Variants in MAPDA observed in about 807,000 individuals in gnomAD.
The protein encoded by MAPDA is N6-Methyl-AMP deaminase, also known as N6,N6-dimethyl-AMP deaminase.
At chr15:43,336,561 A>G in the MAPDA span, 1 of 1,293,298 alleles carries the variant, frequency 7.7e-7, no homozygotes, top group Non-Finnish European at 1.1e-6. Flanking sequence ...CTAAAATTTA[A>G]TTCATTCAGT....
chr15:43,330,589 A>C, the MAPDA span: 3 of 1,348,786 alleles, frequency 2.2e-6, no homozygotes, highest in Non-Finnish European at 2.9e-6. Flanking sequence ...AAAACCACCC[A>C]TGCTCCTGGA....
At chr15:43,331,813 C>T in the MAPDA span, 1 of 152,138 alleles carries the variant, frequency 6.6e-6, no homozygotes, top group African/African-American at 2.4e-5. Context: ...ATTATACTTT[C>T]GAGGAGCTTA....
the MAPDA span, chr15:43,342,966 A>T: frequency 6.8e-7 from 1 of 1,469,936 alleles, no homozygotes; most frequent in African/African-American, 1.4e-5. Flanking sequence ...TGATCTCTTT[A>T]CATGTATTTT....
At chr15:43,349,386 T>C in the MAPDA span, 1 of 899,666 alleles carries the variant, frequency 1.1e-6, no homozygotes, top group Non-Finnish European at 1.4e-6. Context: ...GTAACATTAT[T>C]TAAAAATTAA....
the MAPDA span, among the ~76,000 whole-genome samples, chr15:43,342,282 C>G: frequency 2.6e-5 from 4 of 151,940 alleles, no homozygotes; most frequent in African/African-American, 9.7e-5. Flanking sequence ...GGAGGTTGCT[C>G]TGGAGAGTGC....
the MAPDA span, among the ~76,000 whole-genome samples, chr15:43,350,691 G>C: frequency 6.6e-6 from 1 of 152,126 alleles, no homozygotes; most frequent in Non-Finnish European, 1.5e-5. Context: ...AAGGAGAAGT[G>C]CATGGCTGTA....
chr15:43,338,312 C>G, the MAPDA span, among the ~76,000 whole-genome samples: 28 of 152,288 alleles, frequency 1.8e-4, no homozygotes, highest in African/African-American at 6.3e-4. Flanking sequence ...TGAGGGAGAT[C>G]ACTTAAAACT....
the MAPDA span, among the ~76,000 whole-genome samples, chr15:43,333,659 T>C: frequency 6.6e-6 from 1 of 152,234 alleles, no homozygotes; most frequent in Non-Finnish European, 1.5e-5. Context: ...CATTTTAATA[T>C]CTTGGTAACT....
the MAPDA span, among the ~76,000 whole-genome samples, chr15:43,333,809 C>T: frequency 6.6e-6 from 1 of 152,214 alleles, no homozygotes; most frequent in East Asian, 1.9e-4. Flanking sequence ...AACTGTTATT[C>T]TTAAACATCA....
chr15:43,332,541 G>T, the MAPDA span, among the ~76,000 whole-genome samples: 1 of 152,090 alleles, frequency 6.6e-6, no homozygotes, highest in African/African-American at 2.4e-5. Flanking sequence ...GAAAGAGAAT[G>T]GAGTAAAATT....
At chr15:43,330,613 C>T in the MAPDA span, 2 of 1,160,264 alleles carry the variant, frequency 1.7e-6, no homozygotes, top group African/African-American at 1.6e-5. Flanking sequence ...CCCCTTCCGC[C>T]GGCACTTGTG....
chr15:43,347,060 G>GA, the MAPDA span: 1 of 1,613,874 alleles, frequency 6.2e-7, no homozygotes, highest in Admixed American at 1.7e-5. Flanking sequence ...TAGAAGCTAA[G>GA]AAAGCAGGTC....
At chr15:43,350,865 C>T in the MAPDA span, 15 of 1,225,984 alleles carry the variant, frequency 1.2e-5, no homozygotes, top group South Asian at 1.4e-4. Context: ...AAATATTTCT[C>T]GTGTCTACTT....
At chr15:43,334,856 T>G in the MAPDA span, 1 of 385,116 alleles carries the variant, frequency 2.6e-6, no homozygotes, top group South Asian at 3.0e-5. Context: ...AAGTTAGTTT[T>G]AGAGGAGCTT....
At chr15:43,344,110 GA>G in the MAPDA span, among the ~76,000 whole-genome samples, 953 of 152,088 alleles carry the variant, frequency 6.3e-3, 31 homozygotes, top group East Asian at 0.093. Context: ...GGTAAGGGGG[GA>G]AAAACCTCTC....
the MAPDA span, chr15:43,348,951 T>A: frequency 1.2e-6 from 2 of 1,614,178 alleles, no homozygotes; most frequent in Non-Finnish European, 1.7e-6. Flanking sequence ...TGGATCTGCT[T>A]CCTGACAGAA....
At chr15:43,335,305 C>T in the MAPDA span, 12 of 825,156 alleles carry the variant, frequency 1.5e-5, no homozygotes, top group Middle Eastern at 3.4e-4. Context: ...GAGGCCAAGG[C>T]GGGTGGATTC....
chr15:43,339,715 T>C, the MAPDA span, among the ~76,000 whole-genome samples: 1 of 152,248 alleles, frequency 6.6e-6, no homozygotes, highest in Non-Finnish European at 1.5e-5. Context: ...GTTTTACTCA[T>C]ATTTATCACC....
the MAPDA span, chr15:43,335,603 G>C: frequency 7.4e-7 from 1 of 1,350,878 alleles, no homozygotes; most frequent in South Asian, 1.5e-5. Context: ...CTAGTAAGCA[G>C]TTTGCCTATT....
Sources: allele counts gnomAD v4.1 joint callset (sites outside exome capture counted in the v4.1 genomes callset), GRCh38; gene constraint gnomAD v4.1.1; transcripts MANE v1.5; gene names NCBI Gene and HGNC (gene_info 2026-07-23, HGNC 2026-07-21).